SAMD4A: variants seen among roughly 807,000 people sequenced by gnomAD.
The protein encoded by SAMD4A is sterile alpha motif domain containing 4A.
A neutral mutation model predicts 81.3 loss-of-function variants in SAMD4A; 33 were observed. The observed-to-expected ratio is 0.41, with a 90% confidence interval of 0.31 to 0.54. The LOEUF is 0.54. Ranked by LOEUF, SAMD4A falls within the 20% of genes least tolerant of loss-of-function variation. SAMD4A has a pLI of 0.37. For synonymous variants in SAMD4A, 389 were observed against 382.1 expected (o/e 1.02, Z -0.21); for missense variants, 854 against 951.1 (o/e 0.90, Z 1.34).
chr14:54,583,566 TTTGA>T (rs1448628260), intron 2 of SAMD4A, among the ~76,000 whole-genome samples: 1 of 152,218 alleles, frequency 6.6e-6, no homozygotes, highest in African/African-American at 2.4e-5. Flanking sequence ...TCCTTCTCCC[TTTGA>T]TTGATCTTTT....
intron 6 of SAMD4A, among the ~76,000 whole-genome samples, chr14:54,755,539 G>A (rs1344162752): frequency 6.6e-6 from 1 of 152,152 alleles, no homozygotes; most frequent in Non-Finnish European, 1.5e-5. Context: ...AGGTCGGGAG[G>A]GTTTGAAGGA....
chr14:54,770,732 A>G (rs576326418), intron 9 of SAMD4A, among the ~76,000 whole-genome samples: 48 of 152,318 alleles, frequency 3.2e-4, no homozygotes, highest in Non-Finnish European at 5.6e-4. Flanking sequence ...TGATTTTTCC[A>G]TAGTACTTCA....
intron 2 of SAMD4A, among the ~76,000 whole-genome samples, chr14:54,610,386 A>T (rs1594730737): frequency 6.6e-6 from 1 of 152,202 alleles, no homozygotes; most frequent in South Asian, 2.1e-4. Context: ...CAGAGTGCCC[A>T]TTATAGTCGT....
rs8004366 is a variant in SAMD4A, at chr14:54,774,658, A to C, written c.1716-276A>C. On this transcript the variant is annotated intron_variant, in intron 9 of 12. Coordinates refer to ENST00000554335, the MANE Select transcript of SAMD4A (RefSeq NM_015589.6). The stretch of plus-strand genomic sequence containing the variant: ...AGTGAGACTCCATCTCTACCAAAAA[A>C]AAAAAGTTAGCTGGGCATGGTGGCA... Among the ~76,000 whole-genome samples the C allele has an allele frequency of 2.7e-3, 411 of 151,354 alleles. 4 individuals carry two copies. Among genetic ancestry groups the C allele is most frequent in the African/African-American group, 9.5e-3 (390 of 41,090 alleles).
chr14:54,696,355 G>A (rs1049968723), intron 2 of SAMD4A, among the ~76,000 whole-genome samples: 1 of 152,184 alleles, frequency 6.6e-6, no homozygotes, highest in African/African-American at 2.4e-5. Flanking sequence ...AGTACATGAT[G>A]TGTCTAGGAT....
intron 2 of SAMD4A, among the ~76,000 whole-genome samples, chr14:54,614,831 A>G (rs562061967): frequency 6.6e-6 from 1 of 152,250 alleles, no homozygotes; most frequent in South Asian, 2.1e-4. Flanking sequence ...TTAGAGAGAG[A>G]CCTGTGACAT....
At chr14:54,684,237 C>G (rs1594806560) in intron 2 of SAMD4A, among the ~76,000 whole-genome samples, 1 of 152,220 alleles carries the variant, frequency 6.6e-6, no homozygotes, top group East Asian at 1.9e-4. Context: ...AAATATTTAC[C>G]GAGTTAGTGA....
At chr14:54,726,617 G>T (rs747661743) in intron 3 of SAMD4A, among the ~76,000 whole-genome samples, 24 of 152,194 alleles carry the variant, frequency 1.6e-4, no homozygotes, top group Non-Finnish European at 2.8e-4. Context: ...TTGGGGGAAA[G>T]TACTGAGGCA....
intron 2 of SAMD4A, among the ~76,000 whole-genome samples, chr14:54,605,833 A>G (rs1422374153): frequency 6.6e-6 from 1 of 151,988 alleles, no homozygotes; most frequent in Non-Finnish European, 1.5e-5. Context: ...ATGCCCATAT[A>G]TATGTATGAC....
At chr14:54,587,042 A>T (rs1451084022) in intron 2 of SAMD4A, among the ~76,000 whole-genome samples, 2 of 152,118 alleles carry the variant, frequency 1.3e-5, no homozygotes, top group Non-Finnish European at 2.9e-5. Flanking sequence ...CATAATATTG[A>T]TTCTACCTAT....
At chr14:54,565,662 C>T (rs1204935860), upstream of SAMD4A, among the ~76,000 whole-genome samples, 1 of 152,018 alleles carries the variant, frequency 6.6e-6, no homozygotes, top group Non-Finnish European at 1.5e-5. The surrounding 1 kb of genome is among the most constrained non-coding windows in gnomAD (Gnocchi z 5.4). Context: ...GGCCGAGGGT[C>T]AGCCGAGCGG....
chr14:54,622,671 C>A (rs914963303), intron 2 of SAMD4A, among the ~76,000 whole-genome samples: 5 of 152,168 alleles, frequency 3.3e-5, no homozygotes, highest in African/African-American at 9.7e-5. Flanking sequence ...ACTGTGGCTC[C>A]CCTAGGAATC....
rs2140002045 is a variant in SAMD4A, at chr14:54,789,086, T to G, written c.*142T>G. ...TGGTCCCTCTCCCGTTTTGATTTTG[T>G]GAGAGCGTAGGTCATCCTCGTAAAC... On this transcript the variant is annotated 3_prime_UTR_variant, in exon 13 of 13. Coordinates refer to ENST00000554335, the MANE Select transcript of SAMD4A (RefSeq NM_015589.6). 4.5e-6 allele frequency: 4 copies of G among 891,936 alleles called. No homozygotes were observed. The highest frequency in any genetic ancestry group is 1.4e-5 in the South Asian group (1 of 72,138). 55.3% of individuals were successfully genotyped at this position (891,936 alleles called of 1,614,324 possible).
At chr14:54,603,727 C>T (rs1275651916) in intron 2 of SAMD4A, among the ~76,000 whole-genome samples, 1 of 150,590 alleles carries the variant, frequency 6.6e-6, no homozygotes, top group Non-Finnish European at 1.5e-5. Flanking sequence ...ACATTTGGTG[C>T]ATTCAGCATC....
intron 8 of SAMD4A, among the ~76,000 whole-genome samples, chr14:54,767,015 G>A (rs1594918409): frequency 1.3e-5 from 2 of 152,308 alleles, no homozygotes; most frequent in East Asian, 3.9e-4. Context: ...CTCGTGGCTG[G>A]GGGCCCCGGT....
intron 3 of SAMD4A, among the ~76,000 whole-genome samples, chr14:54,710,638 C>G (rs990756644): frequency 4.6e-5 from 7 of 152,174 alleles, no homozygotes; most frequent in African/African-American, 1.7e-4. Context: ...TACAGACCCT[C>G]CAGCTTCCGT....
intron 4 of SAMD4A, among the ~76,000 whole-genome samples, chr14:54,739,388 G>T (rs1157525702): frequency 2.0e-5 from 3 of 152,040 alleles, no homozygotes; most frequent in Non-Finnish European, 4.4e-5. Context: ...GGCCCAAGGG[G>T]TGCAGCCAGA....
intron 2 of SAMD4A, among the ~76,000 whole-genome samples, chr14:54,591,754 C>A (rs2033782773): frequency 6.6e-6 from 1 of 152,124 alleles, no homozygotes; most frequent in Non-Finnish European, 1.5e-5. Flanking sequence ...ATTATAAGTT[C>A]TTTCCCTTTT....
chr14:54,677,962 G>A (rs1233440908), intron 2 of SAMD4A, among the ~76,000 whole-genome samples: 2 of 152,052 alleles, frequency 1.3e-5, no homozygotes, highest in Non-Finnish European at 2.9e-5. Context: ...CAATCGTAAA[G>A]GAAAAGAAAT....
Sources: allele counts gnomAD v4.1 joint callset (sites outside exome capture counted in the v4.1 genomes callset), GRCh38; gene constraint gnomAD v4.1.1; non-coding constraint Gnocchi (gnomAD v3.1); transcripts MANE v1.5; gene names NCBI Gene and HGNC (gene_info 2026-07-23, HGNC 2026-07-21).